Variants in LRRC31 observed in about 807,000 individuals in gnomAD.
LRRC31 encodes the protein leucine-rich repeat-containing protein 31.
LRRC31 carries 35 observed loss-of-function variants against 46.7 expected under a neutral mutation model. The observed-to-expected ratio is 0.75, with a 90% confidence interval of 0.57 to 0.99. LRRC31 has a LOEUF of 0.99. Among genes scored for constraint, LRRC31 ranks in the 50% least tolerant of loss-of-function variants. LRRC31 has a pLI of 0.00. For missense variants in LRRC31, 613 were observed against 626.1 expected (o/e 0.98, Z 0.22); for synonymous variants, 236 against 235.1 (o/e 1.00, Z -0.03).
chr3:169,869,759 G>A lies in LRRC31; in HGVS notation c.49C>T (p.Gln17Ter). The change falls in exon 1 of 9, where the codon CAG becomes TAG. Residue 17 changes from glutamine to a stop codon, truncating the protein, a stop_gained. Transcript: ENST00000316428. LOFTEE classifies it high-confidence loss of function. ...KTSSEGETKP[Q>*]TSTVNKFLRG... ...AGAAATTTGTTGACAGTTGAAGTCT[G>A]GGGCTTAGTTTCTCCTTCTGAGGAA... The A allele has an allele frequency of 6.2e-7, 1 of 1,613,130 alleles. No individual in the cohort carries two copies. The highest frequency in any genetic ancestry group is 8.5e-7 in the Non-Finnish European group (1 of 1,179,724).
chr3:169,856,294 T>A, intron 5 of LRRC31, 42 bp downstream of exon 5: 1 of 1,277,530 alleles, frequency 7.8e-7, no homozygotes, highest in East Asian at 2.6e-5. Flanking sequence ...ATATCATATA[T>A]AATTATACAT....
At chr3:169,859,721 G>A (rs1461060353) in intron 3 of LRRC31, among the ~76,000 whole-genome samples, 5 of 152,054 alleles carry the variant, frequency 3.3e-5, no homozygotes, top group East Asian at 1.9e-4. Flanking sequence ...AAATGTGGGT[G>A]GGAAAATAGA....
intron 4 of LRRC31, 69 bp downstream of exon 4, chr3:169,856,636 C>T: frequency 2.7e-6 from 4 of 1,463,506 alleles, no homozygotes; most frequent in Non-Finnish European, 9.1e-7. Context: ...TAAGACAAAA[C>T]ACAGCAAACT....
At position 169,869,911 on chromosome 3, in the gene LRRC31, T is replaced by C; in HGVS notation, c.-104A>G. Reference sequence around the variant, plus strand: ...AAGATTCTGTCAAGCCTGTGTTCAATCAAAATATCCTCCCCTACATGACTG... The same window carrying C: ...AAGATTCTGTCAAGCCTGTGTTCAACCAAAATATCCTCCCCTACATGACTG... On this transcript the variant is annotated 5_prime_UTR_variant, in exon 1 of 9. Transcript: ENST00000316428. 3.8e-6 allele frequency: 4 copies of C among 1,064,948 alleles called. No individual in the cohort carries two copies. The South Asian group carries it at 8.1e-5, about 21-fold the overall frequency. 66.0% of individuals were successfully genotyped at this position (1,064,948 alleles called of 1,614,324 possible). A position where few individuals can be genotyped will look rare whatever the true frequency, so the allele number is the denominator to read the frequency against.
At chr3:169,850,473 G>C (rs1342947085) in intron 7 of LRRC31, among the ~76,000 whole-genome samples, 1 of 152,234 alleles carries the variant, frequency 6.6e-6, no homozygotes, top group Non-Finnish European at 1.5e-5. Flanking sequence ...CACCAGACAA[G>C]TCTAGGTATG....
intron 1 of LRRC31, among the ~76,000 whole-genome samples, chr3:169,867,281 G>A (rs1448973742): frequency 2.8e-5 from 3 of 108,830 alleles, no homozygotes; most frequent in East Asian, 5.8e-4. Context: ...ACAGAGTCTT[G>A]CTCTGTCGCC....
chr3:169,853,003 AG>A (rs1407019088), intron 6 of LRRC31, among the ~76,000 whole-genome samples: 1 of 152,220 alleles, frequency 6.6e-6, no homozygotes, highest in Non-Finnish European at 1.5e-5. Context: ...GGGGAAAGAA[AG>A]GGGAAAGGCA....
chr3:169,851,699 C>G lies in LRRC31; in HGVS notation c.1079G>C (p.Ser360Thr). 6.2e-7 allele frequency: 1 copy of G among 1,614,110 alleles called. No homozygotes were observed. The highest frequency in any genetic ancestry group is 8.5e-7 in the Non-Finnish European group (1 of 1,180,018). ...CAATGCTGGTAAAAATCGGAGCCTGCTGAGTAAGTTTTCAGAAGAACTGCC... is the reference window on the plus strand; with the variant it reads ...CAATGCTGGTAAAAATCGGAGCCTGGTGAGTAAGTTTTCAGAAGAACTGCC... Reference protein sequence around the residue: ...KMGSSSENLLSRLRFLPALKS... With the variant: ...KMGSSSENLLTRLRFLPALKS... Residue 360 changes from serine (S) to threonine (T), a missense_variant, in exon 7 of 9, where the codon AGC becomes ACC. Coordinates refer to ENST00000316428, the MANE Select transcript of LRRC31 (RefSeq NM_024727.4).
chr3:169,853,215 C>T (rs1300900925), intron 6 of LRRC31: 1 of 985,084 alleles, frequency 1.0e-6, no homozygotes, highest in African/African-American at 1.7e-5. Context: ...GAGGATTCAT[C>T]AGTAGTTATT....
intron 8 of LRRC31, among the ~76,000 whole-genome samples, chr3:169,840,747 T>C (rs890283879): frequency 6.6e-6 from 1 of 152,202 alleles, no homozygotes; most frequent in Non-Finnish European, 1.5e-5. Flanking sequence ...ATTTTCCATA[T>C]GCAGAACATA....
chr3:169,851,573 C>G (rs761902252), intron 7 of LRRC31, 46 bp downstream of exon 7: 3 of 1,554,698 alleles, frequency 1.9e-6, no homozygotes, highest in Non-Finnish European at 2.6e-6. Flanking sequence ...AAGTCTCCCT[C>G]GCACATTATT....
chr3:169,842,411 C>T (rs919587002), intron 8 of LRRC31, among the ~76,000 whole-genome samples: 10 of 152,138 alleles, frequency 6.6e-5, no homozygotes, highest in Non-Finnish European at 8.8e-5. Context: ...AGTGCAATGG[C>T]GCAATCTCAG....
intron 2 of LRRC31, 32 bp downstream of exon 2, chr3:169,861,638 C>G (rs1178541131): frequency 1.2e-6 from 2 of 1,607,984 alleles, no homozygotes; most frequent in South Asian, 2.2e-5. Context: ...AAGGCCCTAT[C>G]TTCCTCTATG....
chr3:169,861,982 CTG>C (rs1419650674), intron 1 of LRRC31, among the ~76,000 whole-genome samples, 169 bp from the exon 2 acceptor site: 4 of 152,210 alleles, frequency 2.6e-5, no homozygotes, highest in African/African-American at 9.6e-5. Flanking sequence ...TAACTAACCA[CTG>C]TTCCTGCCGC....
At position 169,848,155 on chromosome 3, in the gene LRRC31, C is replaced by G; in HGVS notation, c.1292G>C (p.Ser431Thr). Residue 431 changes from serine (S) to threonine (T), a missense_variant, in exon 8 of 9, where the codon AGC (serine) becomes ACC (threonine). By Grantham distance (58) the Ser-to-Thr change is moderately conservative. Coordinates refer to ENST00000316428, the MANE Select transcript of LRRC31 (RefSeq NM_024727.4). ...CACATCCTCTGTCACCAGGGAACAG[C>G]TGCTCAGCCTCAGCACTTGAAGAGA... ...SMSLQVLRLSSCSLVTEDVAL... is the reference protein window; with the variant it reads ...SMSLQVLRLSTCSLVTEDVAL... The G allele has an allele frequency of 6.2e-7, 1 of 1,614,104 alleles. No individual in the cohort carries two copies. Among genetic ancestry groups the G allele is most frequent in the South Asian group, 1.1e-5 (1 of 91,070 alleles).
Position 169,840,082 on chromosome 3 carries a change from A to T in LRRC31, c.1559T>A (p.Met520Lys). ...TGAAGCTGGGAGAATCCATCTTTTCATTCCTATCTCAGTGATCTGAGGAAG... is the reference window on the plus strand; with the variant it reads ...TGAAGCTGGGAGAATCCATCTTTTCTTTCCTATCTCAGTGATCTGAGGAAG... ...TKLPQITEIG[M>K]KRWILPASQE... The change falls in exon 9 of 9, where the codon ATG becomes AAG. Residue 520 changes from methionine to lysine, a missense_variant. Met to Lys is a moderately conservative substitution (Grantham distance 95). Transcript: ENST00000316428. 6.2e-7 allele frequency: 1 copy of T among 1,614,052 alleles called. No individual in the cohort carries two copies.
In LRRC31 at chr3:169,854,956, T is replaced by C; in HGVS notation, c.848A>G (p.Glu283Gly). The change falls in exon 6 of 9, where the codon GAG becomes GGG. Residue 283 changes from glutamate to glycine, a missense_variant. Glu to Gly is a moderately conservative substitution (Grantham distance 98, BLOSUM62 -2). Transcript: ENST00000316428. ...ILDAAFRYLG[E>G]LRKLDLSCNK... ...GCAGGAAAGATCTAATTTCCTCAGCTCACCCAAATACCTAAAAGCAGCATC... is the reference window on the plus strand; with the variant it reads ...GCAGGAAAGATCTAATTTCCTCAGCCCACCCAAATACCTAAAAGCAGCATC... The C allele has an allele frequency of 1.2e-6, 2 of 1,611,130 alleles. No individual in the cohort carries two copies. Among genetic ancestry groups the C allele is most frequent in the Non-Finnish European group, 1.7e-6 (2 of 1,179,906 alleles).
chr3:169,857,345 TACACACAC>T lies in LRRC31; in HGVS notation c.488-481_488-474del, dbSNP rs1180073387. On this transcript the variant is annotated intron_variant, in intron 3 of 8. Coordinates refer to ENST00000316428, the MANE Select transcript of LRRC31 (RefSeq NM_024727.4). Reference sequence around the variant, plus strand: ...ATATATATATATATATATATATATATACACACACACACACACACACACACAAGTATATA... The same window carrying T: ...ATATATATATATATATATATATATATACACACACACACACACAAGTATATA... 1.1e-4 allele frequency among the ~76,000 whole-genome samples: 10 copies of T among 89,420 alleles called. No individual in the cohort carries two copies. In the East Asian group the frequency reaches 3.5e-3, roughly 31 times the overall value. 58.7% of individuals were successfully genotyped at this position (89,420 alleles called of 152,430 possible).
Position 169,839,966 on chromosome 3 carries a change from G to C in LRRC31, c.*16C>G, listed in dbSNP as rs779219754. The C allele has an allele frequency of 2.5e-6, 4 of 1,583,248 alleles. No homozygotes were observed. The East Asian group carries it at 9.0e-5, about 35-fold the overall frequency. On this transcript the variant is annotated 3_prime_UTR_variant, in exon 9 of 9. Transcript: ENST00000316428. ...TGGAGAATGGTTTGTAGCTTAGTAG[G>C]ACATGGGAAATCAGTTTACTGAAAC...
Sources: allele counts gnomAD v4.1 joint callset (sites outside exome capture counted in the v4.1 genomes callset), GRCh38; gene constraint gnomAD v4.1.1; transcripts MANE v1.5; gene names NCBI Gene and HGNC (gene_info 2026-07-23, HGNC 2026-07-21).